The following PCDH1 variants were observed in gnomAD, a reference collection of about 807,000 sequenced individuals.
The protein encoded by PCDH1 is protocadherin 1.
Under a neutral mutation model 74.6 loss-of-function variants are expected in PCDH1, and 23 were observed. The observed-to-expected ratio is 0.31, with a 90% confidence interval of 0.22 to 0.44. PCDH1 has a LOEUF of 0.44. Among genes scored for constraint, PCDH1 ranks in the 20% least tolerant of loss-of-function variants. The pLI, the probability that PCDH1 is intolerant of heterozygous loss-of-function variation, is 1.00. For missense variants in PCDH1, 1,214 were observed against 1,641.4 expected, an observed-to-expected ratio of 0.74 and a Z score of 4.50; for synonymous variants, 647 against 686.1, an observed-to-expected ratio of 0.94 and a Z score of 0.89.
At chr5:141,857,158 A>G in intron 4 of PCDH1, 94 bp downstream of exon 4, 1 of 1,022,394 alleles carries the variant, frequency 9.8e-7, no homozygotes. Context: ...AGCACATAAT[A>G]ACTCAATACA....
chr5:141,868,342 T>C lies in PCDH1; in HGVS notation c.903+227A>G, dbSNP rs867336890. On this transcript the variant is annotated intron_variant, in intron 2 of 4. Transcript: ENST00000287008. The surrounding 1 kb of genome is among the most constrained non-coding windows in gnomAD (Gnocchi z 4.8). ...GTCTGCCTTAGGGGTCACGGGAAACTGTTCATATGCTATTTCACTGTCACC... is the reference window on the plus strand; with the variant it reads ...GTCTGCCTTAGGGGTCACGGGAAACCGTTCATATGCTATTTCACTGTCACC... 2.6e-5 allele frequency among the ~76,000 whole-genome samples: 4 copies of C among 152,230 alleles called. No individual in the cohort carries two copies. The highest frequency in any genetic ancestry group is 7.2e-5 in the African/African-American group (3 of 41,454).
At chr5:141,862,717 G>T (rs1752613558) in intron 3 of PCDH1, 2 of 994,090 alleles carry the variant, frequency 2.0e-6, no homozygotes, top group African/African-American at 3.5e-5. Context: ...GAAGCCTAGT[G>T]GTGAGGAAGA....
Position 141,857,388 on chromosome 5 carries a change from A to G in PCDH1, c.3183T>C (p.Ser1061=), listed in dbSNP as rs368242386. 1,386 of 1,614,062 alleles carry G rather than the reference A, an allele frequency of 8.6e-4. 28 individuals carry two copies. The South Asian group carries it at 0.015, about 17-fold the overall frequency. Residue 1061 remains serine (S), a synonymous_variant, in exon 4 of 5, where the codon AGT becomes AGC. Coordinates refer to ENST00000287008, the MANE Select transcript of PCDH1 (RefSeq NM_032420.5). ...QDPSQHSYYD[S]GLEESETPSS... ...ACGGCGTCTCAGACTCCTCCAGGCC[A>G]CTGTCATAGTAACTGTGCTGGGATG...
intron 3 of PCDH1, among the ~76,000 whole-genome samples, chr5:141,861,619 G>A (rs1190073361): frequency 2.0e-5 from 3 of 152,172 alleles, no homozygotes; most frequent in Non-Finnish European, 4.4e-5. Flanking sequence ...GACCCAAGGA[G>A]TTTTTACTTT....
At position 141,864,008 on chromosome 5, in the gene PCDH1, T is replaced by G; in HGVS notation, c.2323A>C (p.Thr775Pro). ...CGCCGCTCAATCTCCTTCTCCAGGG[T>G]GATGGCACCTGAATGTGACCCAATC... Reference protein sequence around the residue: ...FQIGSHSGAITLEKEIERRHH... With the variant: ...FQIGSHSGAIPLEKEIERRHH... Residue 775 changes from threonine (T) to proline (P), a missense_variant, in exon 3 of 5, where the codon ACC (threonine) becomes CCC (proline). This residue lies in a region of PCDH1 where 836 missense variants were observed against 1,182.2 expected (regional missense o/e 0.71). Coordinates refer to ENST00000287008, the MANE Select transcript of PCDH1 (RefSeq NM_032420.5). This position sits in a 1 kb window ranked among gnomAD's most constrained non-coding sequence, Gnocchi z 5.9. 6.2e-7 allele frequency: 1 copy of G among 1,613,998 alleles called. No individual in the cohort carries two copies. Among genetic ancestry groups the G allele is most frequent in the Non-Finnish European group, 8.5e-7 (1 of 1,179,994 alleles).
chr5:141,870,272 G>A (rs1225884367), intron 1 of PCDH1, among the ~76,000 whole-genome samples: 2 of 149,564 alleles, frequency 1.3e-5, no homozygotes, highest in African/African-American at 5.1e-5. Flanking sequence ...ACATGCCCCA[G>A]AGCATGCACA....
chr5:141,876,505 C>T (rs543388962), intron 1 of PCDH1, among the ~76,000 whole-genome samples: 1 of 152,276 alleles, frequency 6.6e-6, no homozygotes, highest in East Asian at 1.9e-4. Context: ...GGTTTTTTGC[C>T]CTACGCTCAA....
Position 141,854,093 on chromosome 5 carries a change from G to C in PCDH1, c.3663C>G (p.Pro1221=), listed in dbSNP as rs768516314. The C allele has an allele frequency of 1.9e-5, 29 of 1,551,944 alleles. No homozygotes were observed. Among genetic ancestry groups the C allele is most frequent in the Non-Finnish European group, 2.4e-5 (28 of 1,146,044 alleles). ...TCTGGGCAGATGCCGGTGTGGCTGC[G>C]GGTGGGAAGTCCGAGGTCTGGGTCA... ...IPLTQTSDFP[P]AATPASAQTA... is the part of the protein sequence containing the mutation. The change falls in exon 5 of 5, where the codon CCC becomes CCG. Residue 1221 remains proline (P), a synonymous_variant. Coordinates refer to ENST00000287008, the MANE Select transcript of PCDH1 (RefSeq NM_032420.5).
At position 141,854,427 on chromosome 5, in the gene PCDH1, G is replaced by C; in HGVS notation, c.3329C>G (p.Pro1110Arg). Residue 1110 changes from proline to arginine, a missense_variant, in exon 5 of 5, where the codon CCT (proline) becomes CGT (arginine). Physicochemically the swap from Pro to Arg is moderately radical, Grantham distance 103. Coordinates refer to ENST00000287008, the MANE Select transcript of PCDH1 (RefSeq NM_032420.5). ...EMEHPENDLRPLPDVAMTGTC... is the reference protein window; with the variant it reads ...EMEHPENDLRRLPDVAMTGTC... Reference sequence around the variant, plus strand: ...GCCTGTCATGGCGACATCAGGCAAAGGGCGAAGGTCTGTAGGAGGGAGCGG... The same window carrying C: ...GCCTGTCATGGCGACATCAGGCAAACGGCGAAGGTCTGTAGGAGGGAGCGG... 6.2e-7 allele frequency: 1 copy of C among 1,608,310 alleles called. No homozygotes were observed. The highest frequency in any genetic ancestry group is 1.3e-5 in the African/African-American group (1 of 74,992).
In PCDH1 at chr5:141,854,113, G is replaced by C; in HGVS notation, c.3643C>G (p.Gln1215Glu). 1 of 1,576,360 alleles carries C rather than the reference G, an allele frequency of 6.3e-7. No homozygotes were observed. Among genetic ancestry groups the C allele is most frequent in the Middle Eastern group, 1.8e-4 (1 of 5,692 alleles). ...GCTGCGGGTGGGAAGTCCGAGGTCT[G>C]GGTCAGGGGGATTTCCTCCAAGGTG... is the stretch of plus-strand genomic sequence containing the variant. Reference protein sequence around the residue: ...SATLEEIPLTQTSDFPPAATP... With the variant: ...SATLEEIPLTETSDFPPAATP... Residue 1215 changes from glutamine (Q) to glutamate (E), a missense_variant, in exon 5 of 5, where the codon CAG becomes GAG. Physicochemically the swap from Gln to Glu is conservative, Grantham distance 29 (BLOSUM62 2). Transcript: ENST00000287008.
chr5:141,857,143 G>T, intron 4 of PCDH1, 109 bp downstream of exon 4: 1 of 875,956 alleles, frequency 1.1e-6, no homozygotes, highest in Non-Finnish European at 1.7e-6. Context: ...CGGTGATGAT[G>T]ACTGAGCACA....
intron 4 of PCDH1, chr5:141,856,175 G>C (rs1051274976): frequency 6.6e-7 from 1 of 1,515,676 alleles, no homozygotes; most frequent in South Asian, 1.2e-5. Flanking sequence ...GAGGCTGGGT[G>C]CTGGGCAGAG....
Position 141,863,577 on chromosome 5 carries a change from G to C in PCDH1, c.2754C>G (p.Ser918=). ...CCTCCACTGGCTTCACGGGCTTTGGGGACTTGCTCTTCTTGCCTTTGCTTT... is the reference window on the plus strand; with the variant it reads ...CCTCCACTGGCTTCACGGGCTTTGGCGACTTGCTCTTCTTGCCTTTGCTTT... ...GNKSKGKKSK[S]PKPVKPVEDE... Residue 918 remains serine, a synonymous_variant, in exon 3 of 5, where the codon TCC becomes TCG. Coordinates refer to ENST00000287008, the MANE Select transcript of PCDH1 (RefSeq NM_032420.5). This position sits in a 1 kb window ranked among gnomAD's most constrained non-coding sequence, Gnocchi z 7.5. 1 of 1,614,180 alleles carries C rather than the reference G, an allele frequency of 6.2e-7. No homozygotes were observed. Among genetic ancestry groups the C allele is most frequent in the Non-Finnish European group, 8.5e-7 (1 of 1,180,024 alleles).
chr5:141,853,863 GA>G lies in PCDH1; in HGVS notation c.*178del. 1 of 448,910 alleles carries G rather than the reference GA, an allele frequency of 2.2e-6. No homozygotes were observed. Among genetic ancestry groups the G allele is most frequent in the Non-Finnish European group, 3.8e-6 (1 of 264,274 alleles). The allele number at this position is 448,910 out of a possible 1,614,324, so 27.8% of individuals were successfully genotyped here. On this transcript the variant is annotated 3_prime_UTR_variant, in exon 5 of 5. Transcript: ENST00000287008. ...GGGGGCTGGGAGATGGAAATGAGGGGAGAGGACCTGGACCCTGCATGGGAGA... is the reference window on the plus strand; with the variant it reads ...GGGGGCTGGGAGATGGAAATGAGGGGGAGGACCTGGACCCTGCATGGGAGA...
At chr5:141,857,172 A>G (rs1034459506) in intron 4 of PCDH1, 80 bp downstream of exon 4, 6 of 1,168,414 alleles carry the variant, frequency 5.1e-6, no homozygotes, top group South Asian at 4.7e-5. Flanking sequence ...CAATACATAG[A>G]TGATTTGTTT....
intron 4 of PCDH1, among the ~76,000 whole-genome samples, chr5:141,855,876 G>A (rs556185422): frequency 6.6e-6 from 1 of 152,220 alleles, no homozygotes; most frequent in East Asian, 1.9e-4. Context: ...GGGTCTCCAT[G>A]GGAACGGCTG....
Position 141,878,405 on chromosome 5 carries a change from G to T in PCDH1, c.-143C>A. ...TCCGCGCCGCGCTCCCGCTCCCCGA[G>T]TGTGTGAGGCGGCGGCGGCGGCGGC... On this transcript the variant is annotated 5_prime_UTR_variant, in exon 1 of 5. Transcript: ENST00000287008. The surrounding 1 kb of genome is among the most constrained non-coding windows in gnomAD (Gnocchi z 5.5). 1 of 545,466 alleles carries T rather than the reference G, an allele frequency of 1.8e-6. No individual in the cohort carries two copies. Among genetic ancestry groups the T allele is most frequent in the Non-Finnish European group, 2.5e-6 (1 of 399,996 alleles). The allele number at this position is 545,466 out of a possible 1,614,324, so 33.8% of individuals were successfully genotyped here.
intron 3 of PCDH1, chr5:141,862,570 T>C: frequency 2.1e-6 from 2 of 933,786 alleles, no homozygotes; most frequent in African/African-American, 1.8e-5. Flanking sequence ...GAAGGGGAAA[T>C]TGAGGTAGGA....
In PCDH1 at chr5:141,864,028, C is replaced by T. The variant is rs757381163; in HGVS notation, c.2303G>A (p.Gly768Glu). Residue 768 changes from glycine (G) to glutamate (E), a missense_variant, in exon 3 of 5, where the codon GGG becomes GAG. Gly to Glu is a moderately conservative substitution (Grantham distance 98, BLOSUM62 -2). Around this residue, in one of 4 missense-constraint regions of PCDH1, gnomAD observed 836 missense variants for 1,182.2 expected, o/e 0.71. Transcript: ENST00000287008. The surrounding 1 kb of genome is among the most constrained non-coding windows in gnomAD (Gnocchi z 5.9). Reference protein sequence around the residue: ...GGNPYGLFQIGSHSGAITLEK... With the variant: ...GGNPYGLFQIESHSGAITLEK... ...CAGGGTGATGGCACCTGAATGTGAC[C>T]CAATCTGGAAGAGTCCATAAGGGTT... 3.1e-6 allele frequency: 5 copies of T among 1,613,970 alleles called. No homozygotes were observed. Among genetic ancestry groups the T allele is most frequent in the African/African-American group, 2.7e-5 (2 of 75,018 alleles).
Sources: gnomAD v4.1 joint callset for allele counts (sites outside exome capture counted in the v4.1 genomes callset) on GRCh38, gnomAD v4.1.1 for gene constraint, gnomAD v4.1.1 regional missense constraint, Gnocchi (gnomAD v3.1) non-coding constraint, MANE v1.5 for transcripts, NCBI Gene and HGNC (gene_info 2026-07-23, HGNC 2026-07-21) for gene names.